The following DHX36 variants were observed in gnomAD, a reference collection of about 807,000 sequenced individuals.
DHX36 encodes the protein DEAH-box helicase 36, also known as ATP-dependent DNA/RNA helicase DHX36.
Under a neutral mutation model 139.0 loss-of-function variants are expected in DHX36, and 50 were observed. That is an observed-to-expected ratio of 0.36 (90% CI 0.29 to 0.46). DHX36 has a LOEUF of 0.46. DHX36 is among the 20% of genes least tolerant of loss of function. The pLI is 1.00. For missense variants in DHX36, 1,024 were observed against 1,211.3 expected (o/e 0.85, Z 2.29); for synonymous variants, 425 against 401.9 (o/e 1.06, Z -0.69).
At chr3:154,286,579 TAA>T (rs2108338389) in intron 17 of DHX36, among the ~76,000 whole-genome samples, 1 of 151,606 alleles carries the variant, frequency 6.6e-6, no homozygotes. Context: ...AAAATCTAAA[TAA>T]AGACATATAA....
chr3:154,316,482 T>C (rs1465239559), intron 1 of DHX36, among the ~76,000 whole-genome samples: 2 of 152,114 alleles, frequency 1.3e-5, no homozygotes, highest in Non-Finnish European at 2.9e-5. Flanking sequence ...TACTAATTAT[T>C]ATGAATTTCT....
At position 154,324,169 on chromosome 3, in the gene DHX36, AT is replaced by A. The variant is rs1325051113; in HGVS notation, c.243+4del. 6.2e-7 allele frequency: 1 copy of A among 1,606,904 alleles called. No individual in the cohort carries two copies. Among genetic ancestry groups the A allele is most frequent in the Admixed American group, 1.7e-5 (1 of 59,268 alleles). On this transcript the variant is annotated splice_donor_region_variant and intron_variant, in intron 1 of 24. Transcript: ENST00000496811. ...CATCCTCTCCACTACTGAATCCGAG[AT>A]TACCTCTTGCCTCTCCGCTTCCTTG...
At chr3:154,310,703 G>A (rs1712698152) in intron 4 of DHX36, among the ~76,000 whole-genome samples, 1 of 141,912 alleles carries the variant, frequency 7.0e-6, no homozygotes, top group South Asian at 2.4e-4. Flanking sequence ...GCTTGAACCC[G>A]AGAGTCGGGA....
chr3:154,313,508 T>C (rs1247214069), intron 3 of DHX36, among the ~76,000 whole-genome samples: 1 of 152,126 alleles, frequency 6.6e-6, no homozygotes, highest in East Asian at 1.9e-4. Flanking sequence ...AGCAAAACCC[T>C]GTCTCTACAA....
At chr3:154,305,626 T>C (rs1304869902) in intron 6 of DHX36, among the ~76,000 whole-genome samples, 3 of 151,972 alleles carry the variant, frequency 2.0e-5, no homozygotes, top group East Asian at 3.9e-4. Flanking sequence ...AATTAGCCAG[T>C]TGTGGTGGTG....
At chr3:154,315,381 A>G in intron 2 of DHX36, 101 bp from the exon 3 acceptor site, 1 of 737,700 alleles carries the variant, frequency 1.4e-6, no homozygotes, top group Non-Finnish European at 2.1e-6. Context: ...TTTCAAAGTC[A>G]TCCAAATCCA....
chr3:154,277,518 A>G (rs73160598), intron 23 of DHX36, 80 bp downstream of exon 23: 179,621 of 1,399,716 alleles, frequency 0.13, 12,283 homozygotes, highest in East Asian at 0.17. Flanking sequence ...AATTTTGTAT[A>G]TAATTGTTAA....
At chr3:154,321,778 G>A (rs1460984730) in intron 1 of DHX36, among the ~76,000 whole-genome samples, 2 of 152,098 alleles carry the variant, frequency 1.3e-5, no homozygotes, top group African/African-American at 4.8e-5. Flanking sequence ...GGCCAACATG[G>A]CAAAACCCTG....
chr3:154,286,399 G>A (rs1429719366), intron 17 of DHX36, among the ~76,000 whole-genome samples: 1 of 151,486 alleles, frequency 6.6e-6, no homozygotes, highest in Non-Finnish European at 1.5e-5. Context: ...TGAATAAGGG[G>A]ACTTTACAGC....
chr3:154,310,381 T>C (rs1156383037), intron 4 of DHX36, among the ~76,000 whole-genome samples: 2 of 152,176 alleles, frequency 1.3e-5, no homozygotes, highest in South Asian at 4.1e-4. Flanking sequence ...TTAATATTTT[T>C]AATAATAATA....
chr3:154,288,868 G>T lies in DHX36; in HGVS notation c.2029C>A (p.Leu677Met). ...VLLSIRHLME[L>M]NALDKQEELT... is the part of the protein sequence containing the mutation. The stretch of plus-strand genomic sequence containing the variant: ...AAAAAACAAGAAAACAAATTTACCA[G>T]CTCCATCAGGTGTCTTATGGAGAGT... The change falls in exon 17 of 25, where the codon CTG becomes ATG. Residue 677 changes from leucine (L) to methionine (M), a missense_variant and splice_region_variant. Transcript: ENST00000496811. 1.3e-6 allele frequency: 2 copies of T among 1,526,736 alleles called. No homozygotes were observed. Among genetic ancestry groups the T allele is most frequent in the Non-Finnish European group, 1.8e-6 (2 of 1,132,210 alleles). The allele number at this position is 1,526,736 out of a possible 1,614,324, so 94.6% of individuals were successfully genotyped here. A position where few individuals can be genotyped will look rare whatever the true frequency, so the allele number is the denominator to read the frequency against.
intron 12 of DHX36, among the ~76,000 whole-genome samples, chr3:154,298,478 A>G (rs1017709073): frequency 6.6e-6 from 1 of 152,274 alleles, no homozygotes; most frequent in Admixed American, 6.5e-5. Context: ...GAAGTCAATT[A>G]GATCAAAATA....
At chr3:154,276,717 G>A in intron 24 of DHX36, 30 bp downstream of exon 24, 1 of 1,606,822 alleles carries the variant, frequency 6.2e-7, no homozygotes, top group Non-Finnish European at 8.5e-7. Flanking sequence ...CTTACATGTA[G>A]ATTTAAGATA....
At position 154,288,890 on chromosome 3, in the gene DHX36, G is replaced by C; in HGVS notation, c.2007C>G (p.Leu669=). The C allele has an allele frequency of 6.3e-7, 1 of 1,588,328 alleles. No homozygotes were observed. Among genetic ancestry groups the C allele is most frequent in the Non-Finnish European group, 8.6e-7 (1 of 1,166,252 alleles). The part of the protein sequence containing the change: ...MDPPSNEAVL[L]SIRHLMELNA... ...CCAGCTCCATCAGGTGTCTTATGGA[G>C]AGTAACACTGCCTCATTTGATGGTG... is the stretch of plus-strand genomic sequence containing the variant. The change falls in exon 17 of 25, where the codon CTC becomes CTG. Residue 669 remains leucine, a synonymous_variant. Coordinates refer to ENST00000496811, the MANE Select transcript of DHX36 (RefSeq NM_020865.3).
chr3:154,301,102 T>G lies in DHX36; in HGVS notation c.1243A>C (p.Arg415=). 1 of 1,604,276 alleles carries G rather than the reference T, an allele frequency of 6.2e-7. No homozygotes were observed. The part of the protein sequence containing the change: ...IRYVPEQKEH[R]SQFKRGFMQG... ...ATGAAACCCCTCTTAAACTGGGATC[T>G]GTGTTCTTTTTGTTCTGGAACATAC... Residue 415 remains arginine, a synonymous_variant, in exon 10 of 25, where the codon AGA becomes CGA. Coordinates refer to ENST00000496811, the MANE Select transcript of DHX36 (RefSeq NM_020865.3).
Position 154,273,593 on chromosome 3 carries a change from T to C in DHX36, c.*2578A>G, listed in dbSNP as rs1462719027. 3 of 152,166 alleles carry C rather than the reference T, an allele frequency of 2.0e-5. No individual in the cohort carries two copies. The highest frequency in any genetic ancestry group is 4.4e-5 in the Non-Finnish European group (3 of 68,038). The allele number at this position is 152,166 out of a possible 1,614,324, so 9.4% of individuals were successfully genotyped here. On this transcript the variant is annotated 3_prime_UTR_variant, in exon 25 of 25. Transcript: ENST00000496811. ...CTCGACGTTAGAGGCAAAACCAGTA[T>C]GCTCTAATATTGTGACATGACTCTA...
intron 9 of DHX36, among the ~76,000 whole-genome samples, chr3:154,302,218 C>T (rs893807631): frequency 2.6e-5 from 4 of 152,074 alleles, no homozygotes; most frequent in Non-Finnish European, 4.4e-5. Flanking sequence ...AATGAGAAAG[C>T]ATGTTCAAGA....
At chr3:154,285,281 G>C (rs1711510984) in intron 17 of DHX36, among the ~76,000 whole-genome samples, 1 of 152,046 alleles carries the variant, frequency 6.6e-6, no homozygotes, top group South Asian at 2.1e-4. Context: ...AAGTATAAAA[G>C]TTGTAGAAAC....
At chr3:154,283,299 A>G (rs748530564) in intron 19 of DHX36, 28 bp from the exon 20 acceptor site, 15 of 1,494,656 alleles carry the variant, frequency 1.0e-5, no homozygotes, top group South Asian at 2.3e-5. Context: ...GAAGAAATCT[A>G]TATTTCTCCC....
Sources: gnomAD v4.1 joint callset for allele counts (sites outside exome capture counted in the v4.1 genomes callset) on GRCh38, gnomAD v4.1.1 for gene constraint, MANE v1.5 for transcripts, NCBI Gene and HGNC (gene_info 2026-07-23, HGNC 2026-07-21) for gene names.